Variants in ROBO2 observed in about 807,000 individuals in gnomAD.
ROBO2 encodes the protein roundabout homolog 2.
In ROBO2, 53 loss-of-function variants were observed where a neutral mutation model predicts 160.8. The observed-to-expected ratio is 0.33, with a 90% confidence interval of 0.26 to 0.41. ROBO2 has a LOEUF of 0.41. Among genes scored for constraint, ROBO2 ranks in the 10% least tolerant of loss-of-function variants. The probability of loss-of-function intolerance (pLI) is 1.00; values close to 1 mark genes in which losing one functional copy is unlikely to be tolerated. For synonymous variants in ROBO2, 664 were observed against 611.7 expected, an observed-to-expected ratio of 1.09 and a Z score of -1.26; for missense variants, 1,577 against 1,722.4, an observed-to-expected ratio of 0.92 and a Z score of 1.49.
intron 2 of ROBO2, among the ~76,000 whole-genome samples, chr3:76,729,264 AC>A (rs1233307658): frequency 3.3e-5 from 5 of 152,108 alleles, no homozygotes; most frequent in African/African-American, 1.2e-4. Flanking sequence ...AATAAATAAA[AC>A]AATTACCAAG....
rs536122517 is a variant in ROBO2 at position 76,884,612 on chromosome 3, C to T, written c.110-213402C>T. ...CTTTGCAATCTAGGAACATAGTTGT[C>T]AGCAACTAAAAGATCAAATCAAGGA... On this transcript the variant is annotated intron_variant, in intron 2 of 26. Coordinates refer to the ROBO2 transcript ENST00000487694. Among the ~76,000 whole-genome samples, 7 of 152,236 alleles carry T rather than the reference C, an allele frequency of 4.6e-5. No individual in the cohort carries two copies. The East Asian group carries it at 1.4e-3, about 29-fold the overall frequency.
intron 2 of ROBO2, among the ~76,000 whole-genome samples, chr3:77,383,109 A>G (rs957352775): frequency 6.6e-6 from 1 of 152,188 alleles, no homozygotes; most frequent in African/African-American, 2.4e-5. Flanking sequence ...TCTTATTTTC[A>G]TTAATAAACT....
intron 2 of ROBO2, among the ~76,000 whole-genome samples, chr3:76,780,211 T>G (rs7434117): frequency 0.51 from 76,412 of 150,176 alleles, 20,545 homozygotes; most frequent in African/African-American, 0.7. Flanking sequence ...TTGTTTGTTT[T>G]TTTTTTGGAG....
chr3:77,059,948 AC>A lies in ROBO2; in HGVS notation c.61+19103del, dbSNP rs200423887. ...GAGTATATACTACACCAGGGGGGTT[AC>A]AGTGGTGACTATCAGGAGAATACTA... On this transcript the variant is annotated intron_variant, in intron 1 of 25. Coordinates refer to ENST00000461745, the Ensembl canonical transcript of ROBO2. 0.011 allele frequency among the ~76,000 whole-genome samples: 1,696 copies of A among 152,312 alleles called. 55 individuals are homozygous for A. The East Asian group carries it at 0.12, about 11-fold the overall frequency.
chr3:77,583,495 C>G (rs973460972), intron 16 of ROBO2, among the ~76,000 whole-genome samples: 2 of 151,972 alleles, frequency 1.3e-5, no homozygotes, highest in Non-Finnish European at 2.9e-5. Flanking sequence ...TTACACTTTC[C>G]TGTTCTATAA....
rs527575541 is a variant in ROBO2, at chr3:76,996,928, T to C, written c.110-101086T>C. On this transcript the variant is annotated intron_variant, in intron 2 of 26. Transcript: ENST00000487694. ...ACACAATCTAATATGTGTCTGCCAG[T>C]TTGTCTGCCCCAGTATTACAGATCT... Among the ~76,000 whole-genome samples the C allele has an allele frequency of 8.4e-4, 128 of 152,272 alleles. 1 individual carries two copies. Among genetic ancestry groups the C allele is most frequent in the African/African-American group, 3.1e-3 (128 of 41,560 alleles).
chr3:76,515,189 T>C lies in ROBO2; in HGVS notation c.109+577587T>C, dbSNP rs78250034. On this transcript the variant is annotated intron_variant, in intron 2 of 26. Coordinates refer to the ROBO2 transcript ENST00000487694. ...TGATTTCCTTAATTTGCAGCTATAG[T>C]TCTTTTTTAACCCAATTTTAAAGTG... Among the ~76,000 whole-genome samples the C allele has an allele frequency of 2.8e-4, 42 of 152,282 alleles. 1 individual carries two copies. Among genetic ancestry groups the C allele is most frequent in the South Asian group, 2.7e-3 (13 of 4,822 alleles).
intron 2 of ROBO2, among the ~76,000 whole-genome samples, chr3:76,405,282 G>T (rs556731755): frequency 1.6e-4 from 24 of 150,680 alleles, no homozygotes; most frequent in African/African-American, 5.2e-4. Context: ...GCTTGTTCCA[G>T]GAAGAGTGAA....
chr3:76,259,162 GCTTTTT>G (rs1170312630), intron 2 of ROBO2, among the ~76,000 whole-genome samples: 1 of 151,766 alleles, frequency 6.6e-6, no homozygotes, highest in African/African-American at 2.4e-5. Context: ...GTTTTGTTTT[GCTTTTT>G]GTTTTTTAAA....
chr3:76,938,798 C>T (rs1198373973), intron 2 of ROBO2, among the ~76,000 whole-genome samples: 1 of 151,886 alleles, frequency 6.6e-6, no homozygotes, highest in East Asian at 1.9e-4. Flanking sequence ...GGAGAAACCC[C>T]GTCTCTACTA....
chr3:77,288,070 G>A (rs931834802), intron 2 of ROBO2, among the ~76,000 whole-genome samples: 2 of 152,030 alleles, frequency 1.3e-5, no homozygotes, highest in Non-Finnish European at 2.9e-5. Context: ...TTAGTTATTG[G>A]GTTTATTGAG....
intron 2 of ROBO2, among the ~76,000 whole-genome samples, chr3:76,443,823 T>C (rs1410167798): frequency 1.3e-5 from 2 of 152,198 alleles, no homozygotes; most frequent in East Asian, 1.9e-4. Context: ...TCTTGTTGAG[T>C]AGAAATTTGA....
chr3:76,223,086 A>G (rs545085805), intron 2 of ROBO2, among the ~76,000 whole-genome samples: 1 of 151,528 alleles, frequency 6.6e-6, no homozygotes, highest in Non-Finnish European at 1.5e-5. Context: ...CCATTCCCAG[A>G]CATGCTCCCC....
rs532661129 is a variant in ROBO2, at chr3:76,161,013, G to A, written c.109+223411G>A. 2.0e-5 allele frequency among the ~76,000 whole-genome samples: 3 copies of A among 152,152 alleles called. No individual in the cohort carries two copies. In the East Asian group the frequency reaches 5.8e-4, roughly 29 times the overall value. On this transcript the variant is annotated intron_variant, in intron 2 of 26. Transcript: ENST00000487694. ...CCTCATAACTAATACCAACAGAACG[G>A]TTAATGAACTTTGTAAACCTAAAGG...
intron 2 of ROBO2, among the ~76,000 whole-genome samples, chr3:76,628,065 A>G (rs2089777894): frequency 6.6e-6 from 1 of 151,880 alleles, no homozygotes; most frequent in African/African-American, 2.4e-5. Context: ...TTAAGTCATA[A>G]AAAAATAAAG....
At chr3:76,806,458 T>A (rs1426812911) in intron 2 of ROBO2, among the ~76,000 whole-genome samples, 7 of 151,856 alleles carry the variant, frequency 4.6e-5, no homozygotes. Flanking sequence ...GCAAACTCAT[T>A]CTGGTCAAGT....
chr3:76,070,019 C>G (rs1261791895), intron 2 of ROBO2, among the ~76,000 whole-genome samples: 2 of 152,160 alleles, frequency 1.3e-5, no homozygotes, highest in Non-Finnish European at 2.9e-5. Context: ...ACTTTAATCT[C>G]TTAATCCTGT....
chr3:76,663,977 C>T (rs1297310868), intron 2 of ROBO2, among the ~76,000 whole-genome samples: 1 of 151,740 alleles, frequency 6.6e-6, no homozygotes, highest in Non-Finnish European at 1.5e-5. Flanking sequence ...GATAGTCAGC[C>T]TGTGGAGAAA....
chr3:77,333,968 A>G (rs1255661403), intron 2 of ROBO2, among the ~76,000 whole-genome samples: 1 of 152,172 alleles, frequency 6.6e-6, no homozygotes, highest in Non-Finnish European at 1.5e-5. Flanking sequence ...CAGATTGAGT[A>G]AGCTCTTTAA....
Sources: allele counts gnomAD v4.1 joint callset (sites outside exome capture counted in the v4.1 genomes callset), GRCh38; gene constraint gnomAD v4.1.1; transcripts MANE v1.5; gene names NCBI Gene and HGNC (gene_info 2026-07-23, HGNC 2026-07-21).